SNX29: variants seen among roughly 807,000 people sequenced by gnomAD.
The protein encoded by SNX29 is sorting nexin 29, also known as sorting nexin-29.
A neutral mutation model predicts 102.1 loss-of-function variants in SNX29; 78 were observed. That is an observed-to-expected ratio of 0.76 (90% CI 0.64 to 0.92). The LOEUF is 0.92. Among genes scored for constraint, SNX29 ranks in the 40% least tolerant of loss-of-function variants. The pLI is 0.00. For synonymous variants in SNX29, 580 were observed against 414.5 expected (o/e 1.40, Z -4.85); for missense variants, 1,280 against 1,061.7 (o/e 1.21, Z -2.86).
At chr16:12,401,692 G>C (rs891979859) in intron 17 of SNX29, among the ~76,000 whole-genome samples, 2 of 152,054 alleles carry the variant, frequency 1.3e-5, no homozygotes, top group Non-Finnish European at 2.9e-5. Context: ...ATGGAGATTT[G>C]TCTCTCTCCC....
chr16:12,464,117 T>C (rs1193935142), intron 18 of SNX29, among the ~76,000 whole-genome samples: 1 of 152,082 alleles, frequency 6.6e-6, no homozygotes, highest in African/African-American at 2.4e-5. Context: ...CAGGCAATAT[T>C]TGTCTTTCTG....
intron 18 of SNX29, among the ~76,000 whole-genome samples, chr16:12,463,434 C>G (rs761785333): frequency 2.6e-5 from 4 of 152,190 alleles, no homozygotes; most frequent in African/African-American, 9.6e-5. Context: ...GGAGGAGCAA[C>G]TCACATCTTA....
At chr16:12,284,829 A>G (rs1174921357) in intron 15 of SNX29, among the ~76,000 whole-genome samples, 6 of 151,982 alleles carry the variant, frequency 3.9e-5, no homozygotes, top group South Asian at 4.2e-4. Context: ...GGTTCAAGCA[A>G]TTCTCCTGCC....
At chr16:12,562,917 C>G (rs892006891) in intron 20 of SNX29, among the ~76,000 whole-genome samples, 1 of 152,102 alleles carries the variant, frequency 6.6e-6, no homozygotes. Context: ...GAGATTCGTC[C>G]ATGTTGCCAA....
At chr16:12,547,168 TTATGGTC>T (rs1389890779) in intron 20 of SNX29, among the ~76,000 whole-genome samples, 1 of 152,146 alleles carries the variant, frequency 6.6e-6, no homozygotes, top group Admixed American at 6.5e-5. Flanking sequence ...GATGTGCTGT[TTATGGTC>T]TAGGAAGATG....
chr16:12,537,308 T>C (rs2077120376), intron 20 of SNX29, among the ~76,000 whole-genome samples: 1 of 152,210 alleles, frequency 6.6e-6, no homozygotes, highest in East Asian at 1.9e-4. Context: ...GATTTTAGTA[T>C]AGTGGCTAAG....
At chr16:12,092,238 C>T (rs567169579) in intron 11 of SNX29, among the ~76,000 whole-genome samples, 11 of 152,246 alleles carry the variant, frequency 7.2e-5, no homozygotes, top group African/African-American at 1.9e-4. Context: ...CCATTTTCCT[C>T]CTCCCCCAAA....
At chr16:12,443,696 C>G (rs2085912064) in intron 18 of SNX29, among the ~76,000 whole-genome samples, 2 of 152,242 alleles carry the variant, frequency 1.3e-5, no homozygotes, top group Non-Finnish European at 2.9e-5. Flanking sequence ...GATAATCTAC[C>G]TGCCTTGGCC....
At chr16:12,447,636 C>T (rs766856055) in intron 18 of SNX29, among the ~76,000 whole-genome samples, 14 of 152,208 alleles carry the variant, frequency 9.2e-5, no homozygotes, top group Non-Finnish European at 2.1e-4. Flanking sequence ...TGGTGGAAAC[C>T]AGTTGGCTGA....
intron 19 of SNX29, among the ~76,000 whole-genome samples, chr16:12,483,760 G>A (rs1213133193): frequency 6.6e-6 from 1 of 152,208 alleles, no homozygotes; most frequent in Non-Finnish European, 1.5e-5. Context: ...GCTCATCACA[G>A]TGCTGGGTTC....
At chr16:12,295,383 G>A (rs1249565801) in intron 15 of SNX29, among the ~76,000 whole-genome samples, 1 of 152,202 alleles carries the variant, frequency 6.6e-6, no homozygotes, top group African/African-American at 2.4e-5. Context: ...CCAACCCAAG[G>A]ACTTTTTCTT....
At chr16:12,536,111 T>A (rs2077070952) in intron 20 of SNX29, among the ~76,000 whole-genome samples, 1 of 152,072 alleles carries the variant, frequency 6.6e-6, no homozygotes, top group Non-Finnish European at 1.5e-5. Context: ...GAGAGAAGGG[T>A]GAACACAGCC....
At chr16:12,486,334 C>G (rs146855753) in intron 19 of SNX29, among the ~76,000 whole-genome samples, 3 of 152,272 alleles carry the variant, frequency 2.0e-5, no homozygotes, top group South Asian at 4.1e-4. Context: ...CTGCAGTGGC[C>G]CCTGTACAGT....
In SNX29 at chr16:12,570,608, C is replaced by G. The variant is rs748700544; in HGVS notation, c.*1979C>G. ...TGGGTAGCTACCCTGGAGGTCATCT[C>G]CCTGTTCTCTGTTGGATAAAGGAAC... On this transcript the variant is annotated 3_prime_UTR_variant, in exon 21 of 21. Coordinates refer to ENST00000566228, the MANE Select transcript of SNX29 (RefSeq NM_032167.5). 4.3e-5 allele frequency: 10 copies of G among 232,126 alleles called. No homozygotes were observed. Among genetic ancestry groups the G allele is most frequent in the Non-Finnish European group, 6.0e-5 (7 of 117,454 alleles). 14.4% of individuals were successfully genotyped at this position (232,126 alleles called of 1,614,324 possible).
chr16:12,324,346 A>G (rs988922021), intron 15 of SNX29, among the ~76,000 whole-genome samples: 1 of 152,108 alleles, frequency 6.6e-6, no homozygotes, highest in Non-Finnish European at 1.5e-5. Flanking sequence ...GGAGGAAGAC[A>G]GGAGTGTCCA....
At chr16:12,165,957 G>C (rs1265667190) in intron 13 of SNX29, among the ~76,000 whole-genome samples, 6 of 152,238 alleles carry the variant, frequency 3.9e-5, no homozygotes, top group Non-Finnish European at 8.8e-5. Flanking sequence ...TCTCTAGGCC[G>C]TGTTTGACCC....
intron 11 of SNX29, among the ~76,000 whole-genome samples, chr16:12,118,982 C>T (rs1235005539): frequency 6.6e-6 from 1 of 152,188 alleles, no homozygotes; most frequent in Non-Finnish European, 1.5e-5. Context: ...GTGCTAATTA[C>T]CTTGACATTT....
chr16:12,033,267 A>G (rs1300601080), intron 4 of SNX29, among the ~76,000 whole-genome samples: 1 of 151,472 alleles, frequency 6.6e-6, no homozygotes, highest in African/African-American at 2.4e-5. Context: ...TATGTATAGT[A>G]ATTTTATTAT....
intron 13 of SNX29, among the ~76,000 whole-genome samples, chr16:12,162,232 CAT>C (rs768169188): frequency 2.6e-5 from 4 of 152,212 alleles, no homozygotes; most frequent in Non-Finnish European, 4.4e-5. Context: ...CCTCAGCACA[CAT>C]GTCAGCGCCT....
Sources: gnomAD v4.1 joint callset for allele counts (sites outside exome capture counted in the v4.1 genomes callset) on GRCh38, gnomAD v4.1.1 for gene constraint, MANE v1.5 for transcripts, NCBI Gene and HGNC (gene_info 2026-07-23, HGNC 2026-07-21) for gene names.